KCNIP4: variants seen among roughly 807,000 people sequenced by gnomAD.
KCNIP4 encodes Kv channel-interacting protein 4.
In KCNIP4, 12 loss-of-function variants were observed where a neutral mutation model predicts 34.0. That is an observed-to-expected ratio of 0.35 (90% CI 0.23 to 0.57). The LOEUF (loss-of-function observed/expected upper bound fraction) is 0.57, where lower values mean the gene tolerates loss of function less well. KCNIP4 is among the 20% of genes least tolerant of loss of function. KCNIP4 has a pLI of 0.83. For synonymous variants in KCNIP4, 124 were observed against 102.2 expected, an observed-to-expected ratio of 1.21 and a Z score of -1.29; for missense variants, 238 against 311.7, an observed-to-expected ratio of 0.76 and a Z score of 1.78.
intron 1 of KCNIP4, among the ~76,000 whole-genome samples, chr4:21,017,904 T>C (rs1325536583): frequency 6.6e-6 from 1 of 152,218 alleles, no homozygotes; most frequent in Non-Finnish European, 1.5e-5. Flanking sequence ...TGAGATGGTA[T>C]CTCATTGTGG....
chr4:21,003,071 T>A (rs1738276348), intron 1 of KCNIP4, among the ~76,000 whole-genome samples: 1 of 152,174 alleles, frequency 6.6e-6, no homozygotes, highest in Non-Finnish European at 1.5e-5. Context: ...GGGCCTCCTG[T>A]GTTCGTGTAC....
chr4:21,589,726 T>G (rs572092311), intron 1 of KCNIP4, among the ~76,000 whole-genome samples: 6 of 152,036 alleles, frequency 3.9e-5, no homozygotes, highest in African/African-American at 1.4e-4. Context: ...CACAAGTGAG[T>G]AATAACTTAT....
At chr4:21,654,895 G>T (rs1296721911) in intron 1 of KCNIP4, among the ~76,000 whole-genome samples, 1 of 152,032 alleles carries the variant, frequency 6.6e-6, no homozygotes, top group African/African-American at 2.4e-5. Context: ...CTGCACTCCA[G>T]CCTGGGTGAC....
At chr4:21,183,035 A>G (rs1051932574) in intron 1 of KCNIP4, among the ~76,000 whole-genome samples, 1 of 152,072 alleles carries the variant, frequency 6.6e-6, no homozygotes, top group African/African-American at 2.4e-5. Context: ...GACCCTGTTA[A>G]TCACCGTTTT....
chr4:21,228,360 A>C (rs1758555256), intron 1 of KCNIP4, among the ~76,000 whole-genome samples: 1 of 152,152 alleles, frequency 6.6e-6, no homozygotes, highest in Admixed American at 6.5e-5. Flanking sequence ...TTCTGCCATG[A>C]TTGTAAGTTT....
At chr4:20,767,780 ACTT>A (rs574858394) in intron 3 of KCNIP4, among the ~76,000 whole-genome samples, 62 of 152,276 alleles carry the variant, frequency 4.1e-4, no homozygotes, top group African/African-American at 1.4e-3. Context: ...ACATTTAGAG[ACTT>A]CTTCAGGATT....
At chr4:21,945,044 TA>T (rs1457313753) in intron 1 of KCNIP4, among the ~76,000 whole-genome samples, 1 of 151,996 alleles carries the variant, frequency 6.6e-6, no homozygotes, top group Admixed American at 6.6e-5. Flanking sequence ...GGCTATTAAG[TA>T]AAAAAACACA....
chr4:21,396,090 A>G (rs1722967601), intron 1 of KCNIP4, among the ~76,000 whole-genome samples: 1 of 151,100 alleles, frequency 6.6e-6, no homozygotes, highest in Non-Finnish European at 1.5e-5. Context: ...ATATAAGACT[A>G]TGTAGAGTCT....
Position 20,729,836 on chromosome 4 carries a change from T to C in KCNIP4, c.*246A>G. The C allele has an allele frequency of 2.6e-6, 1 of 377,896 alleles. No homozygotes were observed. Among genetic ancestry groups the C allele is most frequent in the South Asian group, 1.1e-4 (1 of 9,482 alleles). 23.4% of individuals were successfully genotyped at this position (377,896 alleles called of 1,614,324 possible). A position where few individuals can be genotyped will look rare whatever the true frequency, so the allele number is the denominator to read the frequency against. ...AACTATATGCCAGATTCTATTACTT[T>C]TGAATATTCACAGAGTATGAAATGA... On this transcript the variant is annotated 3_prime_UTR_variant, in exon 9 of 9. Transcript: ENST00000382152.
intron 1 of KCNIP4, among the ~76,000 whole-genome samples, chr4:21,214,483 G>A (rs1560180055): frequency 6.6e-6 from 1 of 152,130 alleles, no homozygotes; most frequent in Non-Finnish European, 1.5e-5. Context: ...TAAAATAAAG[G>A]TTTTTCATAA....
At chr4:21,259,552 A>T (rs563649540) in intron 1 of KCNIP4, among the ~76,000 whole-genome samples, 12 of 152,192 alleles carry the variant, frequency 7.9e-5, no homozygotes, top group African/African-American at 2.9e-4. Context: ...GCCATTGGCT[A>T]CTGGTTGTAT....
Position 21,132,853 on chromosome 4 carries a change from C to CAAA in KCNIP4, c.62-250147_62-250145dup, listed in dbSNP as rs71189683. Among the ~76,000 whole-genome samples the CAAA allele has an allele frequency of 4.5e-3, 529 of 116,568 alleles. 4 individuals are homozygous for CAAA. Among genetic ancestry groups the CAAA allele is most frequent in the East Asian group, 6.1e-3 (21 of 3,470 alleles). The allele number at this position is 116,568 out of a possible 152,430, so 76.5% of individuals were successfully genotyped here. A position where few individuals can be genotyped will look rare whatever the true frequency, so the allele number is the denominator to read the frequency against. Reference sequence around the variant, plus strand: ...GTGAAATGTCGTCTCTACTAAACGACAAAAAAAAAAAAAAAAAAAAAATTA... The same window carrying CAAA: ...GTGAAATGTCGTCTCTACTAAACGACAAAAAAAAAAAAAAAAAAAAAAAAATTA... On this transcript the variant is annotated intron_variant, in intron 1 of 8. Transcript: ENST00000382152.
chr4:21,261,429 T>C (rs1053018763), intron 1 of KCNIP4, among the ~76,000 whole-genome samples: 1 of 152,154 alleles, frequency 6.6e-6, no homozygotes, highest in Admixed American at 6.5e-5. Flanking sequence ...AGAATAATCA[T>C]TAAAAGGGAA....
rs574002134 is a variant in KCNIP4, at chr4:21,443,452, G to A, written c.61+505119C>T. Among the ~76,000 whole-genome samples the A allele has an allele frequency of 3.9e-5, 6 of 152,254 alleles. No individual in the cohort carries two copies. The East Asian group carries it at 1.2e-3, about 29-fold the overall frequency. On this transcript the variant is annotated intron_variant, in intron 1 of 8. Coordinates refer to ENST00000382152, the MANE Select transcript of KCNIP4 (RefSeq NM_025221.6). Reference sequence around the variant, plus strand: ...GTCTTCACAGCCTAGACATTGCTGTGAAGGTATTTTTAAAATGTGATTAAT... The same window carrying A: ...GTCTTCACAGCCTAGACATTGCTGTAAAGGTATTTTTAAAATGTGATTAAT...
intron 1 of KCNIP4, among the ~76,000 whole-genome samples, chr4:20,979,598 C>T (rs1369379561): frequency 6.6e-6 from 1 of 151,932 alleles, no homozygotes; most frequent in Non-Finnish European, 1.5e-5. Context: ...CAGGGTTTCA[C>T]CGTGTTATTC....
chr4:20,763,746 A>G (rs1385155209), intron 3 of KCNIP4, among the ~76,000 whole-genome samples: 3 of 152,166 alleles, frequency 2.0e-5, no homozygotes, highest in Non-Finnish European at 4.4e-5. Flanking sequence ...ATTTTTGTAA[A>G]GATGGGATCT....
intron 1 of KCNIP4, among the ~76,000 whole-genome samples, chr4:20,914,034 G>C (rs1054420889): frequency 1.1e-4 from 16 of 152,058 alleles, no homozygotes; most frequent in African/African-American, 3.9e-4. Flanking sequence ...GTGGGTGCCT[G>C]TAATCCCAGC....
intron 3 of KCNIP4, among the ~76,000 whole-genome samples, 190 bp from the exon 4 acceptor site, chr4:20,759,080 AC>A (rs1008377560): frequency 1.8e-4 from 28 of 152,184 alleles, no homozygotes; most frequent in African/African-American, 6.0e-4. Flanking sequence ...AGAAAAAAAA[AC>A]GTAGATGTAA....
At chr4:20,869,227 C>A (rs1313122856) in intron 2 of KCNIP4, among the ~76,000 whole-genome samples, 1 of 152,106 alleles carries the variant, frequency 6.6e-6, no homozygotes, top group East Asian at 1.9e-4. Context: ...AAACATTTAT[C>A]CATCTATGTT....
Sources: allele counts gnomAD v4.1 joint callset (sites outside exome capture counted in the v4.1 genomes callset), GRCh38; gene constraint gnomAD v4.1.1; transcripts MANE v1.5; gene names NCBI Gene and HGNC (gene_info 2026-07-23, HGNC 2026-07-21).